The following CSMD3 variants were observed in gnomAD, a reference collection of about 807,000 sequenced individuals.
CSMD3 encodes the protein CUB and Sushi multiple domains 3.
In CSMD3, 177 loss-of-function variants were observed where a neutral mutation model predicts 435.2. That is an observed-to-expected ratio of 0.41 (90% CI 0.36 to 0.46). The LOEUF (loss-of-function observed/expected upper bound fraction) is 0.46, where lower values mean the gene tolerates loss of function less well. Among genes scored for constraint, CSMD3 ranks in the 20% least tolerant of loss-of-function variants. The probability of loss-of-function intolerance (pLI) is 0.34; values close to 1 mark genes in which losing one functional copy is unlikely to be tolerated. For synonymous variants in CSMD3, 1,656 were observed against 1,520.5 expected (o/e 1.09, Z -2.07); for missense variants, 4,265 against 4,504.6 (o/e 0.95, Z 1.52).
intron 1 of CSMD3, among the ~76,000 whole-genome samples, chr8:113,393,188 A>G (rs1221150886): frequency 1.3e-5 from 2 of 152,014 alleles, no homozygotes; most frequent in Non-Finnish European, 2.9e-5. Context: ...ACTGTACACC[A>G]TAAAATATAA....
chr8:112,618,911 G>T (rs531012247), intron 22 of CSMD3, among the ~76,000 whole-genome samples: 1 of 151,980 alleles, frequency 6.6e-6, no homozygotes, highest in Non-Finnish European at 1.5e-5. Flanking sequence ...TTTTGGTCCA[G>T]ATCATCTTTT....
chr8:113,240,656 T>C (rs2093204520), intron 3 of CSMD3, among the ~76,000 whole-genome samples: 1 of 152,184 alleles, frequency 6.6e-6, no homozygotes, highest in Admixed American at 6.6e-5. Context: ...TATGGTTGTA[T>C]TATTAAACCA....
At chr8:112,261,528 G>C (rs1816396917) in intron 61 of CSMD3, among the ~76,000 whole-genome samples, 1 of 151,892 alleles carries the variant, frequency 6.6e-6, no homozygotes, top group Non-Finnish European at 1.5e-5. Context: ...ATGCATGTGT[G>C]TGTGTGTGTG....
At chr8:113,001,423 T>A (rs1328863615) in intron 6 of CSMD3, among the ~76,000 whole-genome samples, 1 of 152,086 alleles carries the variant, frequency 6.6e-6, no homozygotes, top group African/African-American at 2.4e-5. Flanking sequence ...TTATTCCGAT[T>A]AGCCTCTTCT....
At chr8:113,096,324 G>C (rs2090161434) in intron 5 of CSMD3, among the ~76,000 whole-genome samples, 1 of 152,040 alleles carries the variant, frequency 6.6e-6, no homozygotes, top group Non-Finnish European at 1.5e-5. Flanking sequence ...CAAATAATCT[G>C]GGATCTGTAT....
intron 9 of CSMD3, among the ~76,000 whole-genome samples, chr8:112,931,373 T>A (rs931404173): frequency 1.3e-5 from 2 of 151,970 alleles, no homozygotes; most frequent in Non-Finnish European, 2.9e-5. Context: ...TAAATGGTGC[T>A]GGGAAAACTG....
rs184311513 is a variant in CSMD3, at chr8:113,009,668, T to C, written c.1030+9399A>G. ...CTATATTTTCTGTAGGGAGGGAGGA[T>C]ATTATCCAATGAAATAAGGTTATGT... On this transcript the variant is annotated intron_variant, in intron 6 of 70. Transcript: ENST00000297405. Among the ~76,000 whole-genome samples, 188 of 151,960 alleles carry C rather than the reference T, an allele frequency of 1.2e-3. 2 individuals carry two copies. The highest frequency in any genetic ancestry group is 2.2e-3 in the Non-Finnish European group (147 of 67,848).
intron 47 of CSMD3, 75 bp downstream of exon 47, chr8:112,318,762 C>A: frequency 1.1e-6 from 1 of 924,102 alleles, no homozygotes. Context: ...ATAGATTTTT[C>A]TCAATCATAC....
At chr8:112,284,601 A>G (rs1452781730) in intron 58 of CSMD3, among the ~76,000 whole-genome samples, 1 of 152,024 alleles carries the variant, frequency 6.6e-6, no homozygotes, top group East Asian at 1.9e-4. Context: ...TCATGTAAAC[A>G]TAAAATTGCT....
chr8:112,994,484 T>C (rs1005875591), intron 6 of CSMD3, among the ~76,000 whole-genome samples: 2 of 151,690 alleles, frequency 1.3e-5, no homozygotes, highest in African/African-American at 2.4e-5. Flanking sequence ...TGAAAAATTA[T>C]CATACAGGAA....
chr8:112,591,133 G>A (rs772508532), intron 22 of CSMD3, among the ~76,000 whole-genome samples: 2 of 152,034 alleles, frequency 1.3e-5, no homozygotes, highest in Admixed American at 6.6e-5. Context: ...GCAATTTCCA[G>A]TGTACACATT....
intron 3 of CSMD3, among the ~76,000 whole-genome samples, chr8:113,258,843 G>A (rs1167525929): frequency 3.3e-5 from 5 of 152,144 alleles, no homozygotes; most frequent in African/African-American, 1.2e-4. Context: ...CCAGGGATGA[G>A]ACGATAGTAG....
chr8:112,351,276 C>T (rs1335953614), intron 39 of CSMD3, 32 bp from the exon 40 acceptor site: 2 of 1,460,726 alleles, frequency 1.4e-6, no homozygotes, highest in East Asian at 4.6e-5. Context: ...GTTCAGTACA[C>T]ATACATAAAA....
At chr8:112,362,460 C>T (rs1207824350) in intron 38 of CSMD3, among the ~76,000 whole-genome samples, 1 of 151,950 alleles carries the variant, frequency 6.6e-6, no homozygotes, top group South Asian at 2.1e-4. Context: ...GTAATACACA[C>T]TACTTATCAA....
At chr8:112,819,710 A>G (rs985386995) in intron 12 of CSMD3, among the ~76,000 whole-genome samples, 2 of 152,232 alleles carry the variant, frequency 1.3e-5, no homozygotes, top group Non-Finnish European at 2.9e-5. Flanking sequence ...GGAAGAATAC[A>G]GAACAAAACT....
intron 5 of CSMD3, among the ~76,000 whole-genome samples, chr8:113,035,146 G>A (rs1407639821): frequency 6.6e-6 from 1 of 151,800 alleles, no homozygotes; most frequent in African/African-American, 2.4e-5. Context: ...AAATTGAAAG[G>A]AGAAAAAGAG....
chr8:112,353,785 G>C (rs1206361976), intron 38 of CSMD3, among the ~76,000 whole-genome samples: 1 of 152,016 alleles, frequency 6.6e-6, no homozygotes, highest in African/African-American at 2.4e-5. Context: ...ATACAAAGCT[G>C]ATACCAATTT....
chr8:112,775,141 C>T (rs984342448), intron 13 of CSMD3, among the ~76,000 whole-genome samples: 1 of 151,818 alleles, frequency 6.6e-6, no homozygotes, highest in Non-Finnish European at 1.5e-5. Context: ...AAATTAATTA[C>T]AGGGCTTTCT....
chr8:113,218,932 G>T (rs1470489469), intron 3 of CSMD3, among the ~76,000 whole-genome samples: 1 of 151,164 alleles, frequency 6.6e-6, no homozygotes, highest in Non-Finnish European at 1.5e-5. Flanking sequence ...GCTGAAGGGA[G>T]CTACAATTCA....
Sources: gnomAD v4.1 joint callset for allele counts (sites outside exome capture counted in the v4.1 genomes callset) on GRCh38, gnomAD v4.1.1 for gene constraint, MANE v1.5 for transcripts, NCBI Gene and HGNC (gene_info 2026-07-23, HGNC 2026-07-21) for gene names.